GNG12: variants seen among roughly 807,000 people sequenced by gnomAD.
The protein encoded by GNG12 is G protein subunit gamma 12.
For synonymous variants in GNG12, 28 were observed against 29.7 expected (o/e 0.94, Z 0.19); for missense variants, 69 against 83.8 (o/e 0.82, Z 0.69).
At chr1:67,747,919 A>G (rs1276314782) in intron 2 of GNG12, among the ~76,000 whole-genome samples, 2 of 152,240 alleles carry the variant, frequency 1.3e-5, no homozygotes, top group Non-Finnish European at 2.9e-5. Flanking sequence ...TCCCTGTACC[A>G]AGGCAGAGCT....
chr1:67,758,954 T>G (rs1269273826), intron 2 of GNG12, among the ~76,000 whole-genome samples: 1 of 152,118 alleles, frequency 6.6e-6, no homozygotes, highest in Non-Finnish European at 1.5e-5. Flanking sequence ...AGAATAAGTT[T>G]TAGTATCTGA....
chr1:67,828,633 C>T (rs1245713246), intron 1 of GNG12, among the ~76,000 whole-genome samples: 1 of 152,126 alleles, frequency 6.6e-6, no homozygotes, highest in East Asian at 1.9e-4. Flanking sequence ...CTAAGTGCAC[C>T]AATATCTGCC....
chr1:67,808,955 C>T (rs912683074), intron 1 of GNG12, among the ~76,000 whole-genome samples: 17 of 152,098 alleles, frequency 1.1e-4, no homozygotes, highest in South Asian at 6.2e-4. Context: ...TAAAGTATTA[C>T]GAAGAAGCAA....
chr1:67,831,175 T>C (rs1201978937), intron 1 of GNG12, among the ~76,000 whole-genome samples: 1 of 152,180 alleles, frequency 6.6e-6, no homozygotes, highest in Non-Finnish European at 1.5e-5. Context: ...TAGGTTAAGC[T>C]TAAGCTGACA....
chr1:67,754,452 T>G (rs1171478668), intron 2 of GNG12, among the ~76,000 whole-genome samples: 1 of 152,132 alleles, frequency 6.6e-6, no homozygotes, highest in Admixed American at 6.5e-5. Flanking sequence ...CAAGTCCTGC[T>G]TACGCCACCT....
intron 1 of GNG12, among the ~76,000 whole-genome samples, chr1:67,808,445 C>A (rs1471410298): frequency 6.6e-6 from 1 of 151,868 alleles, no homozygotes; most frequent in Admixed American, 6.6e-5. Flanking sequence ...GCTGCAATTC[C>A]CAGGTAATGC....
intron 2 of GNG12, among the ~76,000 whole-genome samples, chr1:67,753,611 A>G (rs1398013330): frequency 2.0e-5 from 3 of 152,214 alleles, no homozygotes; most frequent in African/African-American, 7.2e-5. Context: ...AAGCATGAAA[A>G]GCATTCACAG....
At chr1:67,831,723 T>C (rs1647046403) in intron 1 of GNG12, among the ~76,000 whole-genome samples, 1 of 152,174 alleles carries the variant, frequency 6.6e-6, no homozygotes, top group African/African-American at 2.4e-5. Flanking sequence ...ACTTTAAAAA[T>C]TGTGTGTGTG....
chr1:67,791,192 T>C (rs1646800450), intron 1 of GNG12, among the ~76,000 whole-genome samples: 2 of 152,068 alleles, frequency 1.3e-5, no homozygotes, highest in Admixed American at 1.3e-4. Context: ...ATGATGTAAA[T>C]ACAGTTTTTC....
intron 2 of GNG12, among the ~76,000 whole-genome samples, chr1:67,759,134 T>A (rs1206972961): frequency 6.6e-6 from 1 of 152,226 alleles, no homozygotes; most frequent in African/African-American, 2.4e-5. Context: ...AAATACCACA[T>A]GTATCCCCCA....
intron 2 of GNG12, among the ~76,000 whole-genome samples, chr1:67,766,521 G>A (rs1470354837): frequency 1.3e-5 from 2 of 152,118 alleles, no homozygotes; most frequent in Non-Finnish European, 2.9e-5. Flanking sequence ...CAACCCTGAA[G>A]GCCGGCCAGC....
chr1:67,786,656 C>T lies in GNG12; in HGVS notation c.-76-9149G>A, dbSNP rs76254057. ...TCCCTCTCTGGGCCAGATGCAGTAG[C>T]TCACGCCTGTAATACCAGCACTCTG... is the stretch of plus-strand genomic sequence containing the variant. On this transcript the variant is annotated intron_variant, in intron 1 of 3. Transcript: ENST00000370982. Among the ~76,000 whole-genome samples the T allele has an allele frequency of 6.0e-3, 908 of 152,212 alleles. 9 individuals carry two copies. Among genetic ancestry groups the T allele is most frequent in the African/African-American group, 0.021 (868 of 41,534 alleles).
intron 2 of GNG12, among the ~76,000 whole-genome samples, chr1:67,745,053 T>A (rs1472082359): frequency 6.6e-6 from 1 of 152,220 alleles, no homozygotes; most frequent in African/African-American, 2.4e-5. Flanking sequence ...TTGGATTGTA[T>A]TGAGGAATGA....
intron 2 of GNG12, among the ~76,000 whole-genome samples, chr1:67,775,763 AG>A (rs1168997707): frequency 2.0e-5 from 3 of 152,248 alleles, no homozygotes; most frequent in Admixed American, 6.5e-5. Flanking sequence ...TTGGCTTTGA[AG>A]GAAGTCAGAG....
At chr1:67,746,137 A>C (rs1453136878) in intron 2 of GNG12, among the ~76,000 whole-genome samples, 2 of 152,124 alleles carry the variant, frequency 1.3e-5, no homozygotes, top group Non-Finnish European at 2.9e-5. Context: ...GTTTGGGTGG[A>C]GAAATGGCAG....
At chr1:67,791,230 CTGAT>C (rs1456677727) in intron 1 of GNG12, among the ~76,000 whole-genome samples, 2 of 152,142 alleles carry the variant, frequency 1.3e-5, no homozygotes, top group African/African-American at 2.4e-5. Flanking sequence ...ACACTCATTT[CTGAT>C]AACCTTATGT....
chr1:67,743,166 T>G (rs1369440565), intron 2 of GNG12, among the ~76,000 whole-genome samples: 3 of 152,204 alleles, frequency 2.0e-5, no homozygotes, highest in Non-Finnish European at 4.4e-5. Context: ...TGAAGCCACC[T>G]TCCGGGATCT....
intron 2 of GNG12, among the ~76,000 whole-genome samples, chr1:67,741,014 A>G (rs1353724580): frequency 1.3e-5 from 2 of 152,210 alleles, no homozygotes; most frequent in Non-Finnish European, 2.9e-5. Context: ...CCCAAACTAA[A>G]GAATAAAACT....
chr1:67,789,268 G>T (rs1299893380), intron 1 of GNG12, among the ~76,000 whole-genome samples: 3 of 152,214 alleles, frequency 2.0e-5, no homozygotes, highest in African/African-American at 4.8e-5. Flanking sequence ...TGAGAATCCT[G>T]ACATAGGAAT....
Sources: allele counts gnomAD v4.1 joint callset (sites outside exome capture counted in the v4.1 genomes callset), GRCh38; gene constraint gnomAD v4.1.1; transcripts MANE v1.5; gene names NCBI Gene and HGNC (gene_info 2026-07-23, HGNC 2026-07-21).